Variants in DHX33 observed in about 807,000 individuals in gnomAD.
The protein encoded by DHX33 is DEAH-box helicase 33.
DHX33 carries 42 observed loss-of-function variants against 72.5 expected under a neutral mutation model. The observed-to-expected ratio is 0.58, with a 90% CI of 0.45 to 0.75. DHX33 has a LOEUF of 0.75. Ranked by LOEUF, DHX33 falls within the 30% of genes least tolerant of loss-of-function variation. The probability of loss-of-function intolerance (pLI) is 0.00; values close to 1 mark genes in which losing one functional copy is unlikely to be tolerated. For synonymous variants in DHX33, 358 were observed against 366.1 expected (o/e 0.98, Z 0.25); for missense variants, 842 against 917.5 (o/e 0.92, Z 1.06).
In DHX33 at chr17:5,460,957, G is replaced by A. The variant is rs183223590; in HGVS notation, c.831C>T (p.Ser277=). The A allele has an allele frequency of 1.3e-5, 21 of 1,612,954 alleles. No homozygotes were observed. Among genetic ancestry groups the A allele is most frequent in the Middle Eastern group, 1.7e-4 (1 of 6,032 alleles). Residue 277 remains serine (S), a synonymous_variant, in exon 4 of 12, where the codon TCC becomes TCT. Transcript: ENST00000225296. ...QNDYLHAALV[S]VFQIHQEAPS... ...ACCATACCTGGTGGATCTGGAAGAC[G>A]GAGACAAGCGCGGCGTGCAGGTAAT...
chr17:5,455,291 C>CA lies in DHX33; in HGVS notation c.1036-21dup, dbSNP rs767269567. ...ATAGCCCTAAAAGGAGGAAGAAAAC[C>CA]AAAAAGCCGCATTGACACACGGATG... On this transcript the variant is annotated intron_variant, in intron 5 of 11. Coordinates refer to ENST00000225296, the MANE Select transcript of DHX33 (RefSeq NM_020162.4). 1.3e-6 allele frequency: 2 copies of CA among 1,592,820 alleles called. No individual in the cohort carries two copies. The highest frequency in any genetic ancestry group is 1.7e-6 in the Non-Finnish European group (2 of 1,161,322).
chr17:5,461,090 G>A lies in DHX33; in HGVS notation c.698C>T (p.Thr233Met), dbSNP rs150739714. The stretch of plus-strand genomic sequence containing the variant: ...CTGAGAGAACAGGTCCACATCCATC[G>A]TAGCTGACATCACAATCACCTGCAT... ...LPLKVIVMSA[T>M]MDVDLFSQYF... is the part of the protein sequence containing the mutation. Residue 233 changes from threonine (T) to methionine (M), a missense_variant, in exon 4 of 12, where the codon ACG becomes ATG. Physicochemically the swap from Thr to Met is moderately conservative, Grantham distance 81. Coordinates refer to ENST00000225296, the MANE Select transcript of DHX33 (RefSeq NM_020162.4). 1.2e-5 allele frequency: 19 copies of A among 1,609,480 alleles called. No individual in the cohort carries two copies. Among genetic ancestry groups the A allele is most frequent in the South Asian group, 6.6e-5 (6 of 90,800 alleles).
intron 3 of DHX33, 37 bp from the exon 4 acceptor site, chr17:5,461,146 T>C (rs770427145): frequency 2.5e-6 from 4 of 1,583,658 alleles, no homozygotes; most frequent in African/African-American, 1.4e-5. Flanking sequence ...CAGAAACAAA[T>C]AGTGGGAAGG....
chr17:5,467,848 C>G lies in DHX33; in HGVS notation c.289+723G>C, dbSNP rs189504133. On this transcript the variant is annotated intron_variant, in intron 1 of 11. Coordinates refer to ENST00000225296, the MANE Select transcript of DHX33 (RefSeq NM_020162.4). ...TGACCGAAATCGGCCAGGAGCGCCT[C>G]TCAGGTTTTAACTAAAGAAAAGCTG... is the stretch of plus-strand genomic sequence containing the variant. Among the ~76,000 whole-genome samples the G allele has an allele frequency of 3.3e-5, 5 of 152,340 alleles. No individual in the cohort carries two copies. The South Asian group carries it at 6.2e-4, about 19-fold the overall frequency.
At chr17:5,459,118 T>C (rs1002317623) in intron 4 of DHX33, among the ~76,000 whole-genome samples, 4 of 152,130 alleles carry the variant, frequency 2.6e-5, no homozygotes, top group Admixed American at 6.5e-5. Context: ...GAGGACGGCT[T>C]GAGCCCAGGA....
At chr17:5,463,736 T>C (rs775516654) in intron 1 of DHX33, 47 bp from the exon 2 acceptor site, 1 of 1,533,760 alleles carries the variant, frequency 6.5e-7, no homozygotes, top group Non-Finnish European at 8.7e-7. Context: ...AAATGCAAAC[T>C]GGGGCTCGGC....
intron 1 of DHX33, among the ~76,000 whole-genome samples, chr17:5,465,180 TGC>T (rs1465920739): frequency 1.3e-5 from 2 of 152,208 alleles, no homozygotes; most frequent in Non-Finnish European, 1.5e-5. Context: ...TCAGTAAACC[TGC>T]GCTTCCTTCC....
chr17:5,466,689 G>A (rs1208466359), intron 1 of DHX33, among the ~76,000 whole-genome samples: 2 of 151,284 alleles, frequency 1.3e-5, no homozygotes, highest in African/African-American at 4.9e-5. Context: ...ACTCTTAGCT[G>A]TAGAACTTGC....
chr17:5,458,432 A>C (rs902226233), intron 4 of DHX33, among the ~76,000 whole-genome samples: 1 of 152,182 alleles, frequency 6.6e-6, no homozygotes, highest in Non-Finnish European at 1.5e-5. Flanking sequence ...TAATATTCTT[A>C]GTATTGATAC....
chr17:5,452,269 G>T (rs1317084169), intron 8 of DHX33, among the ~76,000 whole-genome samples: 1 of 152,228 alleles, frequency 6.6e-6, no homozygotes, highest in African/African-American at 2.4e-5. Flanking sequence ...GCTGGGCGTG[G>T]TGGCTCACGC....
chr17:5,462,387 CTGTGT>C lies in DHX33; in HGVS notation c.605_609del (p.His202ArgfsTer66). 1.2e-6 allele frequency: 2 copies of C among 1,614,220 alleles called. No homozygotes were observed. Among genetic ancestry groups the C allele is most frequent in the Non-Finnish European group, 1.7e-6 (2 of 1,180,036 alleles). On this transcript the variant is annotated frameshift_variant, in exon 3 of 12. Transcript: ENST00000225296. LOFTEE classifies it high-confidence loss of function. ...GCTTTCACCACTCCAAAGAGCACAT[CTGTGT>C]GGATAGTCCGTTCGTGAGCTTCATC...
chr17:5,459,349 A>T (rs1449590995), intron 4 of DHX33, among the ~76,000 whole-genome samples: 1 of 151,846 alleles, frequency 6.6e-6, no homozygotes, highest in African/African-American at 2.4e-5. Context: ...AATGTTTAAT[A>T]AAATGAGAAA....
chr17:5,448,715 C>T, intron 11 of DHX33, 94 bp downstream of exon 11: 2 of 854,722 alleles, frequency 2.3e-6, no homozygotes, highest in South Asian at 4.9e-5. Flanking sequence ...ATGAGAAATC[C>T]TTTTATAATC....
intron 5 of DHX33, 78 bp from the exon 6 acceptor site, chr17:5,455,349 A>T: frequency 8.5e-7 from 1 of 1,169,900 alleles, no homozygotes. Flanking sequence ...TCTCACCATT[A>T]ACTTCCACAA....
In DHX33 at chr17:5,468,616, G is replaced by GC; in HGVS notation, c.243dup (p.Gln82AlafsTer32). 1 of 1,610,456 alleles carries GC rather than the reference G, an allele frequency of 6.2e-7. No homozygotes were observed. Among genetic ancestry groups the GC allele is most frequent in the Non-Finnish European group, 8.5e-7 (1 of 1,179,068 alleles). ...AGGTTTCGGAGCTGGGCCAACAGTTGCCCCCGCGCTTGGAAGATGGGCAGA... is the reference window on the plus strand; with the variant it reads ...AGGTTTCGGAGCTGGGCCAACAGTTGCCCCCCGCGCTTGGAAGATGGGCAGA... On this transcript the variant is annotated frameshift_variant, in exon 1 of 12. Coordinates refer to ENST00000225296, the MANE Select transcript of DHX33 (RefSeq NM_020162.4). LOFTEE classifies it high-confidence loss of function.
rs1234470143 is a variant in DHX33 at position 5,442,555 on chromosome 17, C to T, written c.*1650G>A. 4 of 152,170 alleles carry T rather than the reference C, an allele frequency of 2.6e-5. No individual in the cohort carries two copies. The East Asian group carries it at 5.8e-4, about 22-fold the overall frequency. The allele number at this position is 152,170 out of a possible 1,614,324, so 9.4% of individuals were successfully genotyped here. ...CTGAGAGCTTGACTGCACAGGACCA[C>T]GGCTAGTGTTGGAAATAAAGACTGA... On this transcript the variant is annotated 3_prime_UTR_variant, in exon 12 of 12. Transcript: ENST00000225296.
At chr17:5,455,439 G>C (rs1419277042) in intron 5 of DHX33, among the ~76,000 whole-genome samples, 168 bp from the exon 6 acceptor site, 1 of 152,210 alleles carries the variant, frequency 6.6e-6, no homozygotes, top group Non-Finnish European at 1.5e-5. Context: ...AACCGGGCAG[G>C]GGAAGGGGAC....
Position 5,450,800 on chromosome 17 carries a change from C to A in DHX33, c.1524+7G>T. On this transcript the variant is annotated splice_region_variant and intron_variant, in intron 9 of 11. Transcript: ENST00000225296. ...AGAAAGAGGACTGAGGAGAGGGTAT[C>A]ATTTACTTTGGCAAATTTGGGTTCT... The A allele has an allele frequency of 3.7e-6, 6 of 1,614,128 alleles. No individual in the cohort carries two copies. Among genetic ancestry groups the A allele is most frequent in the South Asian group, 1.1e-5 (1 of 91,070 alleles).
intron 1 of DHX33, among the ~76,000 whole-genome samples, chr17:5,467,319 A>T (rs762823313): frequency 6.6e-6 from 1 of 152,320 alleles, no homozygotes; most frequent in Middle Eastern, 3.4e-3. Context: ...CATTGCTCCT[A>T]GTCAACCCGA....
Sources: allele counts gnomAD v4.1 joint callset (sites outside exome capture counted in the v4.1 genomes callset), GRCh38; gene constraint gnomAD v4.1.1; transcripts MANE v1.5; gene names NCBI Gene and HGNC (gene_info 2026-07-23, HGNC 2026-07-21).